SLC25A33: variants seen among roughly 807,000 people sequenced by gnomAD.
SLC25A33 encodes solute carrier family 25 member 33, also known as bone marrow stromal cell mitochondrial carrier protein.
Under a neutral mutation model 35.5 loss-of-function variants are expected in SLC25A33, and 15 were observed. The ratio of observed to expected loss-of-function variants is 0.42; its 90% CI spans 0.28 to 0.65. The LOEUF (loss-of-function observed/expected upper bound fraction) is 0.65. SLC25A33 is among the 30% of genes least tolerant of loss of function. SLC25A33 has a pLI of 0.20. For missense variants in SLC25A33, 257 were observed against 398.5 expected, an observed-to-expected ratio of 0.64 and a Z score of 3.02; for synonymous variants, 136 against 148.7, an observed-to-expected ratio of 0.91 and a Z score of 0.62.
chr1:9,579,819 C>T (rs1029181486), intron 5 of SLC25A33, 135 bp from the exon 6 acceptor site: 4 of 1,043,078 alleles, frequency 3.8e-6, no homozygotes, highest in Non-Finnish European at 5.5e-6. Flanking sequence ...AAGACAAGGG[C>T]TATGAGAGTT....
At chr1:9,543,551 A>G (rs988221902) in intron 1 of SLC25A33, among the ~76,000 whole-genome samples, 2 of 152,184 alleles carry the variant, frequency 1.3e-5, no homozygotes, top group South Asian at 2.1e-4. Context: ...TGAAAATCCT[A>G]TAAATTTGCC....
intron 2 of SLC25A33, among the ~76,000 whole-genome samples, chr1:9,564,580 C>A (rs1362851531): frequency 6.6e-6 from 1 of 151,570 alleles, no homozygotes; most frequent in Non-Finnish European, 1.5e-5. Flanking sequence ...GAATAATATT[C>A]AGCCTTTAAA....
At chr1:9,565,980 G>A (rs769995502) in intron 2 of SLC25A33, among the ~76,000 whole-genome samples, 13 of 151,930 alleles carry the variant, frequency 8.6e-5, no homozygotes, top group African/African-American at 1.2e-4. Context: ...ACCGTCATCC[G>A]TCCATGAAAA....
intron 2 of SLC25A33, among the ~76,000 whole-genome samples, chr1:9,559,089 C>G (rs1280108044): frequency 6.6e-6 from 1 of 152,188 alleles, no homozygotes; most frequent in Non-Finnish European, 1.5e-5. Context: ...GGCTGACGTC[C>G]GCTGTCATCA....
rs375342810 is a variant in SLC25A33, at chr1:9,554,452, T to G, written c.236+647T>G. 1.0e-3 allele frequency among the ~76,000 whole-genome samples: 152 copies of G among 152,350 alleles called. 1 individual carries two copies. In the Middle Eastern group the frequency reaches 0.01, roughly 10 times the overall value. On this transcript the variant is annotated intron_variant, in intron 2 of 6. Transcript: ENST00000302692. The stretch of plus-strand genomic sequence containing the variant: ...TCAGCTCACCGCAACCTCTGCCTCC[T>G]GGATTCAAGCGATTCTCCTGCCTCA...
chr1:9,567,651 C>G (rs1174521215), intron 3 of SLC25A33, among the ~76,000 whole-genome samples: 3 of 152,194 alleles, frequency 2.0e-5, no homozygotes, highest in Non-Finnish European at 4.4e-5. Flanking sequence ...ATGTGGCCAG[C>G]AGCATTAGTA....
At chr1:9,553,914 G>C in intron 2 of SLC25A33, 109 bp downstream of exon 2, 1 of 1,216,474 alleles carries the variant, frequency 8.2e-7, no homozygotes, top group Non-Finnish European at 1.1e-6. Flanking sequence ...GCATAGCCTT[G>C]GTCCTAACTT....
At chr1:9,560,430 G>T (rs900485385) in intron 2 of SLC25A33, among the ~76,000 whole-genome samples, 1 of 149,318 alleles carries the variant, frequency 6.7e-6, no homozygotes, top group Non-Finnish European at 1.5e-5. Context: ...CAGGTGTGGC[G>T]GTGGGCGCCT....
chr1:9,572,413 C>T (rs1643603451), intron 4 of SLC25A33, among the ~76,000 whole-genome samples: 1 of 151,828 alleles, frequency 6.6e-6, no homozygotes, highest in Non-Finnish European at 1.5e-5. Flanking sequence ...AGATCGAGAC[C>T]ATCCTGGCTA....
chr1:9,546,395 A>G (rs1037733932), intron 1 of SLC25A33, among the ~76,000 whole-genome samples: 2 of 151,914 alleles, frequency 1.3e-5, no homozygotes, highest in African/African-American at 2.4e-5. Context: ...CGTGTTAGCC[A>G]GGATGGTCTC....
intron 5 of SLC25A33, among the ~76,000 whole-genome samples, chr1:9,574,536 T>G (rs1043319894): frequency 3.9e-5 from 6 of 152,248 alleles, no homozygotes; most frequent in Non-Finnish European, 8.8e-5. Flanking sequence ...TTTCAACAAA[T>G]GTAATGTGAC....
Position 9,584,162 on chromosome 1 carries a change from C to T in SLC25A33, c.*1661C>T, listed in dbSNP as rs984022530. ...CATGAAGGTTGGTTTTCAATTTGAA[C>T]GTCTAGAAAGATACTCATTTCTAAT... On this transcript the variant is annotated 3_prime_UTR_variant, in exon 7 of 7. Transcript: ENST00000302692. 4.6e-5 allele frequency: 7 copies of T among 152,142 alleles called. No homozygotes were observed. Among genetic ancestry groups the T allele is most frequent in the Admixed American group, 1.3e-4 (2 of 15,276 alleles). The allele number at this position is 152,142 out of a possible 1,614,324, so 9.4% of individuals were successfully genotyped here.
chr1:9,541,295 A>T (rs1319594668), intron 1 of SLC25A33, among the ~76,000 whole-genome samples: 1 of 151,388 alleles, frequency 6.6e-6, no homozygotes, highest in African/African-American at 2.4e-5. Context: ...CTGGGACTAC[A>T]GGCACCCGCC....
chr1:9,576,214 A>G (rs933778801), intron 5 of SLC25A33, among the ~76,000 whole-genome samples: 1 of 152,204 alleles, frequency 6.6e-6, no homozygotes, highest in Admixed American at 6.5e-5. Flanking sequence ...AACAGCAGGG[A>G]ATTAAGACCT....
intron 1 of SLC25A33, among the ~76,000 whole-genome samples, chr1:9,549,996 C>CATACAT (rs1643240674): frequency 1.4e-5 from 1 of 72,064 alleles, no homozygotes; most frequent in African/African-American, 6.8e-5. Flanking sequence ...TTTTTCTATA[C>CATACAT]ATATATATAT....
chr1:9,556,205 A>G, intron 2 of SLC25A33: 2 of 985,358 alleles, frequency 2.0e-6, no homozygotes, highest in Non-Finnish European at 2.4e-6. Flanking sequence ...CCCGGGTGAC[A>G]CCTTTCTTCT....
At chr1:9,552,888 C>A (rs1487840188) in intron 1 of SLC25A33, among the ~76,000 whole-genome samples, 1 of 151,114 alleles carries the variant, frequency 6.6e-6, no homozygotes, top group East Asian at 1.9e-4. Context: ...ATAGTAGTTA[C>A]CCTTTAGCTC....
intron 2 of SLC25A33, among the ~76,000 whole-genome samples, chr1:9,561,443 A>C (rs1405782951): frequency 6.6e-6 from 1 of 151,992 alleles, no homozygotes; most frequent in Non-Finnish European, 1.5e-5. Flanking sequence ...TTTTTTCCTA[A>C]ATGAAAGTTT....
At position 9,574,852 on chromosome 1, in the gene SLC25A33, G is replaced by A. The variant is rs774504060; in HGVS notation, c.482+1440G>A. ...TAACAACTTCAACTATTGGATTTCG[G>A]TTAGGGATTAGGGTTAAAGATGCAT... is the stretch of plus-strand genomic sequence containing the variant. On this transcript the variant is annotated intron_variant, in intron 5 of 6. Transcript: ENST00000302692. 4.4e-4 allele frequency among the ~76,000 whole-genome samples: 67 copies of A among 152,120 alleles called. 1 individual carries two copies. Among genetic ancestry groups the A allele is most frequent in the Non-Finnish European group, 4.7e-4 (32 of 68,038 alleles).
Sources: gnomAD v4.1 joint callset for allele counts (sites outside exome capture counted in the v4.1 genomes callset) on GRCh38, gnomAD v4.1.1 for gene constraint, MANE v1.5 for transcripts, NCBI Gene and HGNC (gene_info 2026-07-23, HGNC 2026-07-21) for gene names.